Variants in SFXN5 observed in about 807,000 individuals in gnomAD.
SFXN5 encodes the protein sideroflexin 5.
SFXN5 carries 43 observed loss-of-function variants against 50.2 expected under a neutral mutation model. The ratio of observed to expected loss-of-function variants is 0.86; its 90% confidence interval spans 0.67 to 1.11. SFXN5 has a LOEUF of 1.11. Among genes scored for constraint, SFXN5 ranks in the 50% least tolerant of loss-of-function variants. The probability of loss-of-function intolerance (pLI) is 0.00; values close to 1 mark genes in which losing one functional copy is unlikely to be tolerated. For synonymous variants in SFXN5, 203 were observed against 185.8 expected (o/e 1.09, Z -0.75); for missense variants, 463 against 454.1 (o/e 1.02, Z -0.18).
At chr2:72,968,391 C>T (rs1425066397) in intron 12 of SFXN5, 57 bp downstream of exon 12, 1 of 1,541,002 alleles carries the variant, frequency 6.5e-7, no homozygotes, top group South Asian at 1.2e-5. Context: ...CCGGTTCCCC[C>T]TCCCTCTCCC....
rs1372599514 is a variant in SFXN5, at chr2:72,944,613, GTCC to G, written c.*406_*408del. 1.2e-5 allele frequency: 2 copies of G among 168,526 alleles called. No homozygotes were observed. The highest frequency in any genetic ancestry group is 1.2e-4 in the Admixed American group (2 of 17,308). 10.4% of individuals were successfully genotyped at this position (168,526 alleles called of 1,614,324 possible). A position where few individuals can be genotyped will look rare whatever the true frequency, so the allele number is the denominator to read the frequency against. On this transcript the variant is annotated 3_prime_UTR_variant, in exon 14 of 14. Transcript: ENST00000272433. ...GGCCTAATCTGGCTCGCCTCCACCT[GTCC>G]TCCTGCCACTTCTGGTCAGCTGAAA...
At chr2:73,033,965 T>C (rs541019105) in intron 3 of SFXN5, among the ~76,000 whole-genome samples, 1 of 152,202 alleles carries the variant, frequency 6.6e-6, no homozygotes, top group South Asian at 2.1e-4. Flanking sequence ...AAAAGAATAA[T>C]CTGGCTCCAA....
Position 73,000,220 on chromosome 2 carries a change from G to C in SFXN5, c.468+211C>G, listed in dbSNP as rs539538423. On this transcript the variant is annotated intron_variant, in intron 8 of 13. Transcript: ENST00000272433. ...CATGTAAACAGCCCCTCCCCAGAGG[G>C]CTCCTGGCCCAGAAACTGCAGCTGA... Among the ~76,000 whole-genome samples, 175 of 152,282 alleles carry C rather than the reference G, an allele frequency of 1.1e-3. 3 individuals are homozygous for C. Among genetic ancestry groups the C allele is most frequent in the Non-Finnish European group, 1.1e-3 (78 of 68,018 alleles).
chr2:72,947,376 G>T (rs1170791980), intron 13 of SFXN5, among the ~76,000 whole-genome samples: 3 of 152,238 alleles, frequency 2.0e-5, no homozygotes, highest in Non-Finnish European at 4.4e-5. Context: ...GACTGAGCCC[G>T]TGGGGATGCC....
intron 10 of SFXN5, among the ~76,000 whole-genome samples, chr2:72,984,465 G>A (rs1034355149): frequency 1.3e-5 from 2 of 152,262 alleles, no homozygotes; most frequent in Non-Finnish European, 2.9e-5. Flanking sequence ...CAGCTATATG[G>A]GTGAGGGGTT....
At chr2:73,065,507 TC>T (rs1683109864) in intron 1 of SFXN5, among the ~76,000 whole-genome samples, 1 of 152,186 alleles carries the variant, frequency 6.6e-6, no homozygotes, top group Non-Finnish European at 1.5e-5. Flanking sequence ...TTCAAGCAAT[TC>T]TCCTGCTTCA....
chr2:73,059,690 C>T, intron 1 of SFXN5: 2 of 964,516 alleles, frequency 2.1e-6, no homozygotes, highest in Non-Finnish European at 2.4e-6. Flanking sequence ...TCTCACAAAC[C>T]AGATCAAGCT....
rs189160220 is a variant in SFXN5 at position 72,964,999 on chromosome 2, G to A, written c.827+3449C>T. 1.6e-3 allele frequency among the ~76,000 whole-genome samples: 243 copies of A among 152,334 alleles called. 1 individual carries two copies. The highest frequency in any genetic ancestry group is 0.01 in the Middle Eastern group (3 of 294). ...GCCTGTGCCCACGGACCTAAGTGAG[G>A]ACAGGCATTTTTGTTTTCCTGCCCA... On this transcript the variant is annotated intron_variant, in intron 12 of 13. Transcript: ENST00000272433.
chr2:73,026,126 C>CCTTTTTT (rs1677514440), intron 3 of SFXN5, among the ~76,000 whole-genome samples: 2 of 133,692 alleles, frequency 1.5e-5, no homozygotes, highest in African/African-American at 6.1e-5. Flanking sequence ...TGTGTGGCTG[C>CCTTTTTT]TTTTTTTTTT....
intron 6 of SFXN5, among the ~76,000 whole-genome samples, chr2:73,004,751 C>A (rs1674398536): frequency 6.6e-6 from 1 of 152,164 alleles, no homozygotes; most frequent in South Asian, 2.1e-4. Context: ...ATCCTGCCCT[C>A]CAGGTCCTTA....
At chr2:73,045,349 A>C (rs10199908) in intron 2 of SFXN5, among the ~76,000 whole-genome samples, 2,210 of 152,230 alleles carry the variant, frequency 0.015, 56 homozygotes, top group African/African-American at 0.051. Context: ...CCCAGAACTG[A>C]TGGCCTCTGA....
At chr2:73,001,259 C>T (rs778891261) in intron 7 of SFXN5, among the ~76,000 whole-genome samples, 34 of 152,218 alleles carry the variant, frequency 2.2e-4, no homozygotes, top group Non-Finnish European at 4.4e-5. Context: ...CAGCATGTTC[C>T]AGGCAGGGGC....
chr2:73,027,798 T>C (rs1677769418), intron 3 of SFXN5, among the ~76,000 whole-genome samples: 1 of 152,124 alleles, frequency 6.6e-6, no homozygotes, highest in Admixed American at 6.5e-5. Flanking sequence ...TAGCTGGGAC[T>C]ACAGGCGTGT....
rs1559227857 is a variant in SFXN5 at position 73,071,610 on chromosome 2, GAA to G, written c.94_95del (p.Phe32ProfsTer25). Reference sequence around the variant, plus strand: ...ACCACAGCCCGGTCCTCACCTGCTGGAAGCGGGGTTTGCCCAGTTGGAAAGGA... The same window carrying G: ...ACCACAGCCCGGTCCTCACCTGCTGGGCGGGGTTTGCCCAGTTGGAAAGGA... ...APPFQLGKPR[F>X]QQTSFYGRFR... On this transcript the variant is annotated frameshift_variant, in exon 1 of 14. Transcript: ENST00000272433. LOFTEE classifies it high-confidence loss of function. 3 of 1,613,742 alleles carry G rather than the reference GAA, an allele frequency of 1.9e-6. No individual in the cohort carries two copies. The highest frequency in any genetic ancestry group is 1.7e-4 in the Middle Eastern group (1 of 6,056).
intron 10 of SFXN5, among the ~76,000 whole-genome samples, chr2:72,975,648 G>A (rs1415171422): frequency 6.6e-6 from 1 of 152,238 alleles, no homozygotes; most frequent in African/African-American, 2.4e-5. Flanking sequence ...CTGTACATGT[G>A]TGAATGCAGC....
intron 3 of SFXN5, among the ~76,000 whole-genome samples, chr2:73,032,947 C>A (rs956348997): frequency 3.3e-5 from 5 of 152,164 alleles, no homozygotes; most frequent in Non-Finnish European, 7.3e-5. Flanking sequence ...AGGGTACCCC[C>A]AATTCTACAG....
intron 1 of SFXN5, chr2:73,071,301 G>C (rs1486000536): frequency 1.3e-5 from 5 of 399,920 alleles, no homozygotes; most frequent in African/African-American, 4.2e-5. Flanking sequence ...CCGGGCGCTC[G>C]GGACCTTGAC....
chr2:73,020,066 A>G (rs2105819640), intron 6 of SFXN5, 173 bp downstream of exon 6: 1 of 614,288 alleles, frequency 1.6e-6, no homozygotes, highest in Admixed American at 3.1e-5. Flanking sequence ...AGGTTTGCCA[A>G]TCAGCATCAA....
rs1421582921 is a variant in SFXN5 at position 72,992,802 on chromosome 2, G to A, written c.535-4454C>T. Among the ~76,000 whole-genome samples the A allele has an allele frequency of 6.6e-6, 1 of 152,208 alleles. No individual in the cohort carries two copies. Among genetic ancestry groups the A allele is most frequent in the African/African-American group, 2.4e-5 (1 of 41,452 alleles). ...TGCTCTCTACAGCAGTCGGAGTGAA[G>A]TCTGAAAACATGGCGACTTGCTTAA... On this transcript the variant is annotated intron_variant, in intron 9 of 13. Coordinates refer to ENST00000272433, the MANE Select transcript of SFXN5 (RefSeq NM_144579.3). This position sits in a 1 kb window ranked among gnomAD's most constrained non-coding sequence, Gnocchi z 4.5.
Sources: gnomAD v4.1 joint callset for allele counts (sites outside exome capture counted in the v4.1 genomes callset) on GRCh38, gnomAD v4.1.1 for gene constraint, Gnocchi (gnomAD v3.1) non-coding constraint, MANE v1.5 for transcripts, NCBI Gene and HGNC (gene_info 2026-07-23, HGNC 2026-07-21) for gene names.